The following CSRNP3 variants were observed in gnomAD, a reference collection of about 807,000 sequenced individuals.
CSRNP3 encodes cysteine and serine rich nuclear protein 3, also known as cysteine/serine-rich nuclear protein 3.
In CSRNP3, 12 loss-of-function variants were observed where a neutral mutation model predicts 48.0. That is an observed-to-expected ratio of 0.25 (90% CI 0.16 to 0.41). The LOEUF is 0.41. CSRNP3 is among the 10% of genes least tolerant of loss of function. The pLI is 1.00. For missense variants in CSRNP3, 580 were observed against 724.4 expected (o/e 0.80, Z 2.29); for synonymous variants, 263 against 269.7 (o/e 0.98, Z 0.24).
At chr2:165,485,992 G>A (rs574347239) in intron 1 of CSRNP3, among the ~76,000 whole-genome samples, 5 of 151,750 alleles carry the variant, frequency 3.3e-5, no homozygotes, top group South Asian at 2.1e-4. Context: ...CAGCGTGAGC[G>A]ACGCAGAAGA....
In CSRNP3 at chr2:165,682,634, A is replaced by T. The variant is rs1687565774; in HGVS notation, c.*2881A>T. ...TGAAAATATCAGGTCAAAGTTGCAA[A>T]CATACTTATGATGGAATCATTTCAT... On this transcript the variant is annotated 3_prime_UTR_variant, in exon 7 of 7. Transcript: ENST00000651982. 6.6e-6 allele frequency: 1 copy of T among 152,134 alleles called. No homozygotes were observed. The highest frequency in any genetic ancestry group is 6.6e-5 in the Admixed American group (1 of 15,246). 9.4% of individuals were successfully genotyped at this position (152,134 alleles called of 1,614,324 possible). A position where few individuals can be genotyped will look rare whatever the true frequency, so the allele number is the denominator to read the frequency against.
chr2:165,640,674 G>T (rs1233815838), intron 4 of CSRNP3, among the ~76,000 whole-genome samples: 1 of 152,146 alleles, frequency 6.6e-6, no homozygotes, highest in Non-Finnish European at 1.5e-5. Context: ...TGGATCCTGG[G>T]AGCAGCTGTT....
chr2:165,641,492 T>C lies in CSRNP3; in HGVS notation c.149-16269T>C, dbSNP rs189299613. On this transcript the variant is annotated intron_variant, in intron 4 of 6. Transcript: ENST00000651982. ...AATGTCCTGTGTTATCCTTACTGAATCGTTAATCAAAGGTCAGGAGTCTGG... is the reference window on the plus strand; with the variant it reads ...AATGTCCTGTGTTATCCTTACTGAACCGTTAATCAAAGGTCAGGAGTCTGG... 3.5e-3 allele frequency among the ~76,000 whole-genome samples: 526 copies of C among 152,296 alleles called. 7 individuals are homozygous for C. The highest frequency in any genetic ancestry group is 0.012 in the African/African-American group (510 of 41,556).
intron 1 of CSRNP3, among the ~76,000 whole-genome samples, chr2:165,492,219 C>A (rs915371458): frequency 1.3e-5 from 2 of 152,144 alleles, no homozygotes; most frequent in African/African-American, 2.4e-5. Flanking sequence ...TTATTGTAGA[C>A]CCTCTGTTTT....
chr2:165,643,622 C>T (rs947879062), intron 4 of CSRNP3, among the ~76,000 whole-genome samples: 1 of 152,212 alleles, frequency 6.6e-6, no homozygotes, highest in African/African-American at 2.4e-5. Context: ...AACTTTGAAT[C>T]AGTCCCAGAC....
In CSRNP3 at chr2:165,489,336, A is replaced by G. The variant is rs1684169061; in HGVS notation, c.-282-5423A>G. Among the ~76,000 whole-genome samples the G allele has an allele frequency of 8.4e-5, 12 of 142,488 alleles. 1 individual carries two copies. In the South Asian group the frequency reaches 2.9e-3, roughly 34 times the overall value. 93.5% of individuals were successfully genotyped at this position (142,488 alleles called of 152,430 possible). On this transcript the variant is annotated intron_variant, in intron 1 of 6. Transcript: ENST00000651982. ...TACCAACCAAAAAGAGTCCAGGACC[A>G]GATGGATTCACAGCCGAATTCTACC...
intron 3 of CSRNP3, among the ~76,000 whole-genome samples, chr2:165,575,793 C>T (rs913220314): frequency 6.6e-6 from 1 of 151,886 alleles, no homozygotes; most frequent in Admixed American, 6.6e-5. Context: ...AGATTCTCAC[C>T]CTTTATCACT....
Position 165,687,825 on chromosome 2 carries a change from C to T in CSRNP3, c.*8072C>T, listed in dbSNP as rs1573971443. 5 of 152,022 alleles carry T rather than the reference C, an allele frequency of 3.3e-5. No individual in the cohort carries two copies. In the East Asian group the frequency reaches 9.6e-4, roughly 29 times the overall value. The allele number at this position is 152,022 out of a possible 1,614,324, so 9.4% of individuals were successfully genotyped here. A position where few individuals can be genotyped will look rare whatever the true frequency, so the allele number is the denominator to read the frequency against. ...CAAGCACTCCCTGGAGCTTTCAAAG[C>T]CTTTTTTATCTGCTCAGAGTTGACA... On this transcript the variant is annotated 3_prime_UTR_variant, in exon 7 of 7. Coordinates refer to ENST00000651982, the MANE Select transcript of CSRNP3 (RefSeq NM_001172173.2).
intron 3 of CSRNP3, among the ~76,000 whole-genome samples, chr2:165,537,731 CT>C (rs556705541): frequency 5.9e-4 from 90 of 151,828 alleles, no homozygotes; most frequent in African/African-American, 2.1e-3. Flanking sequence ...AGTTATCATA[CT>C]TCTTTTCTCT....
chr2:165,578,765 T>C (rs1558939485), intron 3 of CSRNP3, among the ~76,000 whole-genome samples: 1 of 152,058 alleles, frequency 6.6e-6, no homozygotes, highest in African/African-American at 2.4e-5. Flanking sequence ...AAAGCTTTTA[T>C]TGTGTTGTAT....
intron 4 of CSRNP3, among the ~76,000 whole-genome samples, chr2:165,655,565 A>G (rs1247368292): frequency 6.6e-6 from 1 of 152,130 alleles, no homozygotes; most frequent in Non-Finnish European, 1.5e-5. Flanking sequence ...CTGCTTGAGC[A>G]CTTGTATCAG....
intron 4 of CSRNP3, among the ~76,000 whole-genome samples, chr2:165,605,544 A>G (rs1302306961): frequency 6.6e-6 from 1 of 152,170 alleles, no homozygotes; most frequent in Non-Finnish European, 1.5e-5. Flanking sequence ...TGAGACTGAA[A>G]AAATATTGAA....
intron 3 of CSRNP3, among the ~76,000 whole-genome samples, chr2:165,532,883 T>C (rs1311279701): frequency 6.6e-6 from 1 of 152,078 alleles, no homozygotes; most frequent in African/African-American, 2.4e-5. Context: ...AAAATCAATG[T>C]ACAAAAATCA....
intron 3 of CSRNP3, among the ~76,000 whole-genome samples, chr2:165,518,787 C>G (rs1462981978): frequency 6.6e-6 from 1 of 151,950 alleles, no homozygotes; most frequent in African/African-American, 2.4e-5. Flanking sequence ...ATCTATTTCT[C>G]ATTCTTCCAA....
At chr2:165,484,424 C>G (rs1558913085) in intron 1 of CSRNP3, among the ~76,000 whole-genome samples, 1 of 152,100 alleles carries the variant, frequency 6.6e-6, no homozygotes, top group Non-Finnish European at 1.5e-5. Flanking sequence ...CAACAAAGGA[C>G]TTGTGAGCGG....
chr2:165,609,384 G>T (rs1319331342), intron 4 of CSRNP3, among the ~76,000 whole-genome samples: 2 of 148,644 alleles, frequency 1.3e-5, no homozygotes, highest in African/African-American at 5.0e-5. Flanking sequence ...GCGTGAACTC[G>T]GGAGATGGAG....
intron 4 of CSRNP3, among the ~76,000 whole-genome samples, chr2:165,595,433 A>T (rs992995069): frequency 3.5e-4 from 53 of 152,316 alleles, no homozygotes; most frequent in African/African-American, 1.2e-3. Context: ...TTAATTAACT[A>T]ATTTAATTTA....
chr2:165,527,478 T>G (rs925132457), intron 3 of CSRNP3, among the ~76,000 whole-genome samples: 5 of 152,068 alleles, frequency 3.3e-5, no homozygotes, highest in African/African-American at 1.2e-4. Flanking sequence ...GTGCTGAGAT[T>G]ACAAGCATAA....
intron 3 of CSRNP3, among the ~76,000 whole-genome samples, chr2:165,538,705 A>G (rs2105250201): frequency 1.3e-5 from 2 of 151,926 alleles, no homozygotes; most frequent in African/African-American, 4.8e-5. Flanking sequence ...CTATTCCCTT[A>G]CTTTCTGTTG....
Sources: gnomAD v4.1 joint callset for allele counts (sites outside exome capture counted in the v4.1 genomes callset) on GRCh38, gnomAD v4.1.1 for gene constraint, MANE v1.5 for transcripts, NCBI Gene and HGNC (gene_info 2026-07-23, HGNC 2026-07-21) for gene names.